SYNJ2: variants seen among roughly 807,000 people sequenced by gnomAD.
SYNJ2 encodes the protein polyphosphatidylinositol phosphatase SYNJ2.
In SYNJ2, 116 loss-of-function variants were observed where a neutral mutation model predicts 141.3. The observed-to-expected ratio is 0.82, with a 90% CI of 0.71 to 0.96. The LOEUF is 0.96. Among genes scored for constraint, SYNJ2 ranks in the 40% least tolerant of loss-of-function variants. SYNJ2 has a pLI of 0.00. For missense variants in SYNJ2, 1,873 were observed against 1,934.8 expected, an observed-to-expected ratio of 0.97 and a Z score of 0.60; for synonymous variants, 745 against 777.7, an observed-to-expected ratio of 0.96 and a Z score of 0.70.
At chr6:158,037,355 G>A (rs542726364) in intron 4 of SYNJ2, among the ~76,000 whole-genome samples, 12 of 149,820 alleles carry the variant, frequency 8.0e-5, no homozygotes, top group Non-Finnish European at 1.2e-4. Flanking sequence ...GACTCCAGTC[G>A]TACTGGATCA....
chr6:158,068,618 C>A (rs777301645), intron 12 of SYNJ2, 29 bp from the exon 13 acceptor site: 1 of 1,613,882 alleles, frequency 6.2e-7, no homozygotes, highest in South Asian at 1.1e-5. Flanking sequence ...GCGGTTCTGA[C>A]TTCTGTCATC....
At chr6:158,074,542 A>G (rs1782143449) in intron 15 of SYNJ2, 38 bp from the exon 16 acceptor site, 1 of 1,596,574 alleles carries the variant, frequency 6.3e-7, no homozygotes, top group Admixed American at 1.7e-5. Context: ...CTTCCTTGCA[A>G]GATGGGCTGA....
intron 7 of SYNJ2, chr6:158,059,558 T>G (rs373441643): frequency 9.6e-4 from 462 of 482,580 alleles, no homozygotes; most frequent in African/African-American, 8.9e-3. Context: ...TTTCTTTTCT[T>G]TTTTTTTTTT....
In SYNJ2 at chr6:158,062,132, T is replaced by A. The variant is rs960862281; in HGVS notation, c.1095T>A (p.Asp365Glu). Reference sequence around the variant, plus strand: ...TAAAGCTGCACTGGGAAGACTTCGATGTGTTCACAAAGGGGGAGAACGTCA... The same window carrying A: ...TAAAGCTGCACTGGGAAGACTTCGAAGTGTTCACAAAGGGGGAGAACGTCA... ...PQLKLHWEDFDVFTKGENVSP... is the reference protein window; with the variant it reads ...PQLKLHWEDFEVFTKGENVSP... The change falls in exon 8 of 27, where the codon GAT (aspartate) becomes GAA (glutamate). Residue 365 changes from aspartate to glutamate, a missense_variant. Transcript: ENST00000355585. 1 of 1,613,838 alleles carries A rather than the reference T, an allele frequency of 6.2e-7. No homozygotes were observed.
At chr6:158,076,844 G>C in intron 17 of SYNJ2, 62 bp downstream of exon 17, 1 of 1,537,782 alleles carries the variant, frequency 6.5e-7, no homozygotes, top group Non-Finnish European at 8.7e-7. Context: ...GACGGAGGGA[G>C]AGTCACGTTT....
intron 1 of SYNJ2, among the ~76,000 whole-genome samples, chr6:157,993,696 T>G (rs538180851): frequency 1.4e-5 from 2 of 148,022 alleles, no homozygotes; most frequent in South Asian, 2.1e-4. Context: ...AACATAACTT[T>G]CATTCTTGCA....
intron 1 of SYNJ2, among the ~76,000 whole-genome samples, chr6:157,997,314 G>A (rs953166893): frequency 1.3e-5 from 2 of 152,230 alleles, no homozygotes; most frequent in Admixed American, 6.5e-5. Context: ...CAGATGCAAT[G>A]AAGATGTAAG....
At position 157,996,043 on chromosome 6, in the gene SYNJ2, C is replaced by T. The variant is rs570035310; in HGVS notation, c.127+13955C>T. Among the ~76,000 whole-genome samples the T allele has an allele frequency of 5.9e-5, 9 of 152,276 alleles. No homozygotes were observed. In the East Asian group the frequency reaches 1.7e-3, roughly 29 times the overall value. ...CCAGTTAATCTGGAAGTGCAAGTAT[C>T]GATGAGTAAATCCAATTAAATTCCA... On this transcript the variant is annotated intron_variant, in intron 1 of 26. Transcript: ENST00000355585.
intron 1 of SYNJ2, among the ~76,000 whole-genome samples, chr6:157,986,071 T>C (rs1055315863): frequency 6.6e-6 from 1 of 152,150 alleles, no homozygotes; most frequent in African/African-American, 2.4e-5. Context: ...CCAGATTTAT[T>C]TGGTCACGGA....
chr6:158,062,563 G>A (rs547183256), intron 8 of SYNJ2, among the ~76,000 whole-genome samples: 148 of 152,220 alleles, frequency 9.7e-4, no homozygotes, highest in Non-Finnish European at 1.6e-3. Flanking sequence ...TGGGATGGCT[G>A]GCATAGACTT....
At chr6:158,057,902 G>A (rs546454352) in intron 6 of SYNJ2, among the ~76,000 whole-genome samples, 1 of 152,368 alleles carries the variant, frequency 6.6e-6, no homozygotes, top group South Asian at 2.1e-4. Context: ...GCTGCCTGGA[G>A]CTGCACGTGG....
chr6:158,066,382 T>C (rs754394846), intron 11 of SYNJ2, 62 bp from the exon 12 acceptor site: 36 of 1,588,714 alleles, frequency 2.3e-5, no homozygotes, highest in Non-Finnish European at 2.8e-5. Context: ...TCATCTGTCT[T>C]TTTGGAGGAT....
chr6:158,008,732 T>C (rs1343297777), intron 1 of SYNJ2, among the ~76,000 whole-genome samples: 3 of 152,220 alleles, frequency 2.0e-5, no homozygotes, highest in Non-Finnish European at 4.4e-5. Context: ...ACTCTTCAGC[T>C]CTTCCATTGC....
chr6:158,066,891 G>T (rs1781602558), intron 12 of SYNJ2, among the ~76,000 whole-genome samples: 1 of 152,204 alleles, frequency 6.6e-6, no homozygotes, highest in Non-Finnish European at 1.5e-5. Context: ...TGATGGTGAA[G>T]TCTTAGGCTT....
intron 25 of SYNJ2, among the ~76,000 whole-genome samples, chr6:158,090,992 CA>C (rs1431669558): frequency 6.6e-6 from 1 of 152,124 alleles, no homozygotes; most frequent in Non-Finnish European, 1.5e-5. Context: ...GATACTGCTA[CA>C]AATGCTTTCT....
At chr6:157,984,797 G>A (rs1777137274) in intron 1 of SYNJ2, among the ~76,000 whole-genome samples, 1 of 152,196 alleles carries the variant, frequency 6.6e-6, no homozygotes, top group Admixed American at 6.5e-5. Context: ...GTCTAATCTT[G>A]ACCTTTCACC....
intron 24 of SYNJ2, 132 bp from the exon 25 acceptor site, chr6:158,089,707 G>A (rs1440584374): frequency 1.6e-6 from 1 of 613,680 alleles, no homozygotes; most frequent in Non-Finnish European, 2.9e-6. Context: ...GCAGGGTGTG[G>A]TGGAGGCTGG....
In SYNJ2 at chr6:158,043,362, G is replaced by C. The variant is rs1780057878; in HGVS notation, c.758G>C (p.Gly253Ala). Residue 253 changes from glycine to alanine, a missense_variant, in exon 5 of 27, where the codon GGC (glycine) becomes GCC (alanine). Transcript: ENST00000355585. The surrounding 1 kb of genome is among the most constrained non-coding windows in gnomAD (Gnocchi z 4.0). ...GTGTCATCTTTTGTCCAGATCAGAGGCTCCGTTCCGCTGTTCTGGGAACAG... is the reference window on the plus strand; with the variant it reads ...GTGTCATCTTTTGTCCAGATCAGAGCCTCCGTTCCGCTGTTCTGGGAACAG... ...DGVSSFVQIR[G>A]SVPLFWEQPG... 1 of 1,614,030 alleles carries C rather than the reference G, an allele frequency of 6.2e-7. No individual in the cohort carries two copies. The highest frequency in any genetic ancestry group is 1.3e-5 in the African/African-American group (1 of 74,928).
Position 158,043,036 on chromosome 6 carries a change from A to G in SYNJ2, c.712-280A>G, listed in dbSNP as rs763268898. The stretch of plus-strand genomic sequence containing the variant: ...TCCTGGGATTTTCAGGGTGACGATA[A>G]GGTTGTGCCCTAGAAGTGTGAATTC... On this transcript the variant is annotated intron_variant, in intron 4 of 26. Coordinates refer to ENST00000355585, the MANE Select transcript of SYNJ2 (RefSeq NM_003898.4). This position sits in a 1 kb window ranked among gnomAD's most constrained non-coding sequence, Gnocchi z 4.0. 3.3e-5 allele frequency among the ~76,000 whole-genome samples: 5 copies of G among 152,210 alleles called. No individual in the cohort carries two copies. The highest frequency in any genetic ancestry group is 4.8e-5 in the African/African-American group (2 of 41,450).
Sources: allele counts gnomAD v4.1 joint callset (sites outside exome capture counted in the v4.1 genomes callset), GRCh38; gene constraint gnomAD v4.1.1; non-coding constraint Gnocchi (gnomAD v3.1); transcripts MANE v1.5; gene names NCBI Gene and HGNC (gene_info 2026-07-23, HGNC 2026-07-21).